GLOD4: variants seen among roughly 807,000 people sequenced by gnomAD.
The protein encoded by GLOD4 is glyoxalase domain-containing protein 4.
A neutral mutation model predicts 39.1 loss-of-function variants in GLOD4; 44 were observed. The observed-to-expected ratio is 1.13, with a 90% CI of 0.88 to 1.45. GLOD4 has a LOEUF of 1.45. Ranked by LOEUF, GLOD4 falls within the 40% of genes most tolerant of loss-of-function variation. GLOD4 has a pLI of 0.00. For missense variants in GLOD4, 405 were observed against 366.4 expected, an observed-to-expected ratio of 1.11 and a Z score of -0.86; for synonymous variants, 145 against 135.0, an observed-to-expected ratio of 1.07 and a Z score of -0.52.
Position 782,273 on chromosome 17 carries a change from G to C in GLOD4, c.-18C>G, listed in dbSNP as rs763178636. 19 of 1,612,844 alleles carry C rather than the reference G, an allele frequency of 1.2e-5. No individual in the cohort carries two copies. Among genetic ancestry groups the C allele is most frequent in the Non-Finnish European group, 1.5e-5 (18 of 1,179,354 alleles). On this transcript the variant is annotated 5_prime_UTR_variant, in exon 1 of 9. Coordinates refer to ENST00000301329, the MANE Select transcript of GLOD4 (RefSeq NM_016080.4). ...GCAGCCATGATTCCCGCCGCACGCAGCCGTCACGCGCACCGTACAGCCCAG... is the reference window on the plus strand; with the variant it reads ...GCAGCCATGATTCCCGCCGCACGCACCCGTCACGCGCACCGTACAGCCCAG...
chr17:780,871 C>T (rs1160795500), intron 1 of GLOD4: 2 of 151,696 alleles, frequency 1.3e-5, no homozygotes, highest in African/African-American at 2.5e-5. Flanking sequence ...ATATAATCTA[C>T]TATTACCGAT....
At chr17:768,404 G>C (rs1428773823) in intron 8 of GLOD4, among the ~76,000 whole-genome samples, 1 of 145,578 alleles carries the variant, frequency 6.9e-6, no homozygotes, top group Non-Finnish European at 1.5e-5. Flanking sequence ...GAGAGAAACA[G>C]CGCGCGCTCA....
upstream of GLOD4, among the ~76,000 whole-genome samples, chr17:785,829 A>C (rs564628399): frequency 1.3e-5 from 2 of 152,360 alleles, no homozygotes; most frequent in African/African-American, 4.8e-5. Flanking sequence ...CAGGCTAATA[A>C]TTGTTTTTTA....
intron 4 of GLOD4, among the ~76,000 whole-genome samples, chr17:775,405 C>T (rs902749649): frequency 6.6e-6 from 1 of 152,154 alleles, no homozygotes; most frequent in Non-Finnish European, 1.5e-5. Flanking sequence ...AACAACAGAA[C>T]GTAGAAAGAG....
At position 775,787 on chromosome 17, in the gene GLOD4, G is replaced by A; in HGVS notation, c.394C>T (p.Leu132=). Residue 132 remains leucine (L), a synonymous_variant, in exon 4 of 9, where the codon CTG becomes TTG. Transcript: ENST00000301329. ...CTGGTATAATTACCTGACTGAGGCA[G>A]ACTGCGATTCTGCAAATAGAACTTA... ...GYKFYLQNRS[L]PQSDPVLKVT... is the part of the protein sequence containing the mutation. 1 of 1,613,864 alleles carries A rather than the reference G, an allele frequency of 6.2e-7. No individual in the cohort carries two copies.
intron 8 of GLOD4, chr17:765,382 G>GAGGT: frequency 6.6e-6 from 1 of 151,072 alleles, no homozygotes; most frequent in Middle Eastern, 3.4e-3. Context: ...GTTCAGGGCA[G>GAGGT]AGGTAAGGAG....
chr17:769,882 T>G lies in GLOD4; in HGVS notation c.818A>C (p.Lys273Thr), dbSNP rs1907617159. 1 of 1,591,060 alleles carries G rather than the reference T, an allele frequency of 6.3e-7. No individual in the cohort carries two copies. Among genetic ancestry groups the G allele is most frequent in the Non-Finnish European group, 8.6e-7 (1 of 1,159,068 alleles). ...AATGGGACTCACATCATCCAACAAT[T>G]TGCTTCCCTCTGGATCCATCTTAGA... ...ELSKMDPEGS[K>T]LLDDAMAADK... Residue 273 changes from lysine to threonine, a missense_variant, in exon 8 of 9, where the codon AAA (lysine) becomes ACA (threonine). Lys to Thr is a moderately conservative substitution (Grantham distance 78). Coordinates refer to ENST00000301329, the MANE Select transcript of GLOD4 (RefSeq NM_016080.4).
At position 768,124 on chromosome 17, in the gene GLOD4, A is replaced by G. The variant is rs984544969; in HGVS notation, c.831+1745T>C. On this transcript the variant is annotated intron_variant, in intron 8 of 8. Transcript: ENST00000301329. Reference sequence around the variant, plus strand: ...TGGAGAGGATGTGTGAGAGAGAAACAGCGTGCACTCAGATTTTTAGAAGAA... The same window carrying G: ...TGGAGAGGATGTGTGAGAGAGAAACGGCGTGCACTCAGATTTTTAGAAGAA... Among the ~76,000 whole-genome samples the G allele has an allele frequency of 1.2e-4, 18 of 148,386 alleles. 1 individual carries two copies. Among genetic ancestry groups the G allele is most frequent in the Non-Finnish European group, 2.1e-4 (14 of 67,738 alleles).
At chr17:769,271 A>G (rs1183010318) in intron 8 of GLOD4, among the ~76,000 whole-genome samples, 4 of 145,540 alleles carry the variant, frequency 2.7e-5, no homozygotes, top group Admixed American at 2.0e-4. Context: ...AGGCATCTCC[A>G]TGGGGAGAGC....
At chr17:785,314 T>C (rs1910483143), upstream of GLOD4, among the ~76,000 whole-genome samples, 1 of 152,208 alleles carries the variant, frequency 6.6e-6, no homozygotes, top group African/African-American at 2.4e-5. Flanking sequence ...TTTTTAATAT[T>C]GTTATTAGCC....
chr17:766,089 G>A (rs1162533070), intron 8 of GLOD4, among the ~76,000 whole-genome samples: 2 of 151,846 alleles, frequency 1.3e-5, no homozygotes. Context: ...TTGAGCCCAG[G>A]AAGTTTGAAA....
intron 4 of GLOD4, among the ~76,000 whole-genome samples, chr17:774,262 G>C (rs1908498104): frequency 6.6e-6 from 1 of 152,150 alleles, no homozygotes; most frequent in Non-Finnish European, 1.5e-5. Context: ...TAAACAAGGA[G>C]CACTGAACAT....
At chr17:781,931 G>A (rs1046224874) in intron 1 of GLOD4, 3 of 515,154 alleles carry the variant, frequency 5.8e-6, no homozygotes, top group East Asian at 3.1e-5. Context: ...TGGCTTAAAT[G>A]AAAGGACGTG....
rs140149712 is a variant in GLOD4 at position 776,900 on chromosome 17, C to T, written c.229G>A (p.Val77Ile). 30 of 1,612,792 alleles carry T rather than the reference C, an allele frequency of 1.9e-5. No homozygotes were observed. In the African/African-American group the frequency reaches 2.9e-4, roughly 16 times the overall value. ...FVAELTYNYGVGDYKLGNDFM... is the reference protein window; with the variant it reads ...FVAELTYNYGIGDYKLGNDFM... Reference sequence around the variant, plus strand: ...TCATTGCCAAGCTTGTAGTCTCCGACGCCATAATTGTAAGTCAGTTCTGCG... The same window carrying T: ...TCATTGCCAAGCTTGTAGTCTCCGATGCCATAATTGTAAGTCAGTTCTGCG... Residue 77 changes from valine to isoleucine, a missense_variant, in exon 3 of 9, where the codon GTC (valine) becomes ATC (isoleucine). Transcript: ENST00000301329.
At chr17:783,753 C>T (rs1179110528), upstream of GLOD4, among the ~76,000 whole-genome samples, 1 of 152,140 alleles carries the variant, frequency 6.6e-6, no homozygotes, top group African/African-American at 2.4e-5. Flanking sequence ...AATTCTCAAA[C>T]CTGTGTATCT....
intron 8 of GLOD4, among the ~76,000 whole-genome samples, chr17:768,396 G>C (rs979435979): frequency 6.8e-6 from 1 of 146,260 alleles, no homozygotes; most frequent in African/African-American, 2.6e-5. Context: ...ACGTAAGAGA[G>C]AGAAACAGCG....
chr17:766,157 G>T lies in GLOD4; in HGVS notation c.831+3712C>A, dbSNP rs1382812935. ...TAGAAAAAATACAAAAATTAGCCAG[G>T]CATGGTGGCGCACGCCTATGGTTCC... On this transcript the variant is annotated intron_variant, in intron 8 of 8. Coordinates refer to ENST00000301329, the MANE Select transcript of GLOD4 (RefSeq NM_016080.4). 2.6e-5 allele frequency among the ~76,000 whole-genome samples: 4 copies of T among 152,014 alleles called. No individual in the cohort carries two copies. The East Asian group carries it at 7.7e-4, about 29-fold the overall frequency.
intron 5 of GLOD4, 122 bp from the exon 6 acceptor site, chr17:770,629 C>G (rs997775364): frequency 1.6e-6 from 1 of 644,766 alleles, no homozygotes; most frequent in Non-Finnish European, 2.8e-6. Context: ...CTATCCTACT[C>G]TCACCCCAGA....
chr17:783,349 C>CTTTTTTTTT (rs35144249), upstream of GLOD4: 1 of 1,223,794 alleles, frequency 8.2e-7, no homozygotes. Context: ...CCCAGTGTAT[C>CTTTTTTTTT]TTTTTTTTTT....
Sources: allele counts gnomAD v4.1 joint callset (sites outside exome capture counted in the v4.1 genomes callset), GRCh38; gene constraint gnomAD v4.1.1; transcripts MANE v1.5; gene names NCBI Gene and HGNC (gene_info 2026-07-23, HGNC 2026-07-21).